The following SERPINA1 variants were observed in gnomAD, a reference collection of about 807,000 sequenced individuals.
The protein encoded by SERPINA1 is alpha-1-antitrypsin.
Under a neutral mutation model 25.4 loss-of-function variants are expected in SERPINA1, and 21 were observed. That is an observed-to-expected ratio of 0.83 (90% confidence interval 0.59 to 1.19). SERPINA1 has a LOEUF of 1.19. Ranked by LOEUF, SERPINA1 falls within the 50% of genes most tolerant of loss-of-function variation. The pLI is 0.00. For synonymous variants in SERPINA1, 218 were observed against 211.1 expected (o/e 1.03, Z -0.29); for missense variants, 546 against 509.0 (o/e 1.07, Z -0.70).
chr14:94,386,658 A>G (rs1897308867), intron 1 of SERPINA1, among the ~76,000 whole-genome samples: 1 of 152,046 alleles, frequency 6.6e-6, no homozygotes. Flanking sequence ...TGCCCGAGAG[A>G]TGGTAGATTT....
At chr14:94,380,659 C>A in intron 3 of SERPINA1, 1 of 637,798 alleles carries the variant, frequency 1.6e-6, no homozygotes, top group Non-Finnish European at 2.8e-6. Context: ...ACCTCCTCAC[C>A]CCTGGGTACT....
chr14:94,382,915 A>C lies in SERPINA1; in HGVS notation c.323T>G (p.Leu108Arg), dbSNP rs137888162. The change falls in exon 2 of 5, where the codon CTC becomes CGC. Residue 108 changes from leucine to arginine, a missense_variant. By Grantham distance (102) the Leu-to-Arg change is moderately radical. Coordinates refer to ENST00000393087, the MANE Select transcript of SERPINA1 (RefSeq NM_000295.5). ...GATCTGAGCCTCCGGAATCTCCGTG[A>C]GGTTGAAATTCAGGCCCTCCAGGAT... is the stretch of plus-strand genomic sequence containing the variant. ...DEILEGLNFNLTEIPEAQIHE... is the reference protein window; with the variant it reads ...DEILEGLNFNRTEIPEAQIHE... The C allele has an allele frequency of 5.6e-6, 9 of 1,612,554 alleles. No individual in the cohort carries two copies. The highest frequency in any genetic ancestry group is 6.8e-6 in the Non-Finnish European group (8 of 1,178,772).
Position 94,378,247 on chromosome 14 carries a change from C to T in SERPINA1, c.*202G>A, listed in dbSNP as rs996449553. ...CAGCATGTGCCTACCCAGCCAGATG[C>T]TCCATGAACACAGTTCAGGGGGCCC... On this transcript the variant is annotated 3_prime_UTR_variant, in exon 5 of 5. Transcript: ENST00000393087. The T allele has an allele frequency of 1.6e-6, 1 of 609,096 alleles. No individual in the cohort carries two copies. Among genetic ancestry groups the T allele is most frequent in the African/African-American group, 1.9e-5 (1 of 54,052 alleles). 37.7% of individuals were successfully genotyped at this position (609,096 alleles called of 1,614,324 possible). A position where few individuals can be genotyped will look rare whatever the true frequency, so the allele number is the denominator to read the frequency against.
rs750877442 is a variant in SERPINA1, at chr14:94,386,036, C to T, written c.-5+2524G>A. 3.7e-4 allele frequency among the ~76,000 whole-genome samples: 56 copies of T among 152,188 alleles called. 1 individual carries two copies. The highest frequency in any genetic ancestry group is 6.0e-4 in the African/African-American group (25 of 41,452). ...ATTGGGCTGTGACATTGGTCTCAAGCATCATGTTGGGTTCATTATGCCTCC... is the reference window on the plus strand; with the variant it reads ...ATTGGGCTGTGACATTGGTCTCAAGTATCATGTTGGGTTCATTATGCCTCC... On this transcript the variant is annotated intron_variant, in intron 1 of 4. Coordinates refer to ENST00000393087, the MANE Select transcript of SERPINA1 (RefSeq NM_000295.5).
Position 94,378,376 on chromosome 14 carries a change from G to T in SERPINA1, c.*73C>A. On this transcript the variant is annotated 3_prime_UTR_variant, in exon 5 of 5. Transcript: ENST00000393087. ...TACAGTCACATGCAGGCAGGGACCA[G>T]CTCAACCCTTCTTTAATGTCATCCA... 7 of 1,322,066 alleles carry T rather than the reference G, an allele frequency of 5.3e-6. No individual in the cohort carries two copies. In the Admixed American group the frequency reaches 1.0e-4, roughly 19 times the overall value. 81.9% of individuals were successfully genotyped at this position (1,322,066 alleles called of 1,614,324 possible). A position where few individuals can be genotyped will look rare whatever the true frequency, so the allele number is the denominator to read the frequency against.
At chr14:94,384,920 C>T (rs1897193335) in intron 1 of SERPINA1, among the ~76,000 whole-genome samples, 1 of 152,210 alleles carries the variant, frequency 6.6e-6, no homozygotes, top group Non-Finnish European at 1.5e-5. Context: ...TCTAAGTAAT[C>T]CAAATGGAAC....
At chr14:94,389,401 C>G (rs912425308), upstream of SERPINA1, among the ~76,000 whole-genome samples, 5 of 152,212 alleles carry the variant, frequency 3.3e-5, no homozygotes, top group African/African-American at 1.2e-4. Context: ...TCTGCTTAGT[C>G]TGCCCCCCAG....
Position 94,388,541 on chromosome 14 carries a change from C to A in SERPINA1, c.-5+19G>T, listed in dbSNP as rs1897448291. ...TCAGAAGCCTCTCCAGAACCTCTCG[C>A]AGTGAAAGGCATACTTACGATTCAC... On this transcript the variant is annotated intron_variant, in intron 1 of 4. Coordinates refer to ENST00000393087, the MANE Select transcript of SERPINA1 (RefSeq NM_000295.5). The A allele has an allele frequency of 6.6e-6, 1 of 152,292 alleles. No individual in the cohort carries two copies. The highest frequency in any genetic ancestry group is 1.5e-5 in the Non-Finnish European group (1 of 68,154). 9.4% of individuals were successfully genotyped at this position (152,292 alleles called of 1,614,324 possible).
At chr14:94,390,039 C>G, upstream of SERPINA1, 1 of 85,864 alleles carries the variant, frequency 1.2e-5, no homozygotes, top group African/African-American at 8.2e-5. Context: ...CTCCCTCCCC[C>G]GTGTCAGGGG....
In SERPINA1 at chr14:94,379,605, G is replaced by A. The variant is rs138611390; in HGVS notation, c.924C>T (p.Ala308=). Residue 308 remains alanine (A), a synonymous_variant, in exon 4 of 5, where the codon GCC becomes GCT. Transcript: ENST00000393087. ...TGGACAGTTTGGGTAAATGTAAGCT[G>A]GCAGACCTGTCGTGCAGAAAAGAAA... ...KFLENEDRRS[A]SLHLPKLSIT... 101 of 1,614,174 alleles carry A rather than the reference G, an allele frequency of 6.3e-5. No individual in the cohort carries two copies. The African/African-American group carries it at 1.3e-3, about 20-fold the overall frequency.
rs189676443 is a variant in SERPINA1, at chr14:94,386,274, G to A, written c.-5+2286C>T. Among the ~76,000 whole-genome samples, 215 of 152,312 alleles carry A rather than the reference G, an allele frequency of 1.4e-3. 3 individuals carry two copies. Among genetic ancestry groups the A allele is most frequent in the Non-Finnish European group, 4.9e-4 (33 of 68,040 alleles). ...GCTTCATGGTGACATTTCTGGGATC[G>A]GGGCAGGTGGGAGCACTCTTTGCGG... On this transcript the variant is annotated intron_variant, in intron 1 of 4. Coordinates refer to ENST00000393087, the MANE Select transcript of SERPINA1 (RefSeq NM_000295.5).
rs1307147202 is a variant in SERPINA1, at chr14:94,380,859, T to C, written c.917+12A>G. 6.2e-7 allele frequency: 1 copy of C among 1,614,190 alleles called. No individual in the cohort carries two copies. The highest frequency in any genetic ancestry group is 1.1e-5 in the South Asian group (1 of 91,086). On this transcript the variant is annotated intron_variant, in intron 3 of 4. Transcript: ENST00000393087. ...GGGCAGCTTCTTGGTCACCCTCAGG[T>C]TGGGGAATCACCTTCTGTCTTCATT...
chr14:94,385,226 T>A (rs551180317), intron 1 of SERPINA1, among the ~76,000 whole-genome samples: 2 of 152,364 alleles, frequency 1.3e-5, no homozygotes, highest in South Asian at 4.1e-4. Context: ...ACTATCCACT[T>A]GGCCTTTAGC....
At chr14:94,382,476 T>C in intron 2 of SERPINA1, 116 bp downstream of exon 2, 1 of 1,222,254 alleles carries the variant, frequency 8.2e-7, no homozygotes, top group Non-Finnish European at 1.2e-6. Context: ...GAATCCACGC[T>C]GAAAAGCATT....
At chr14:94,387,696 A>G (rs916408183) in intron 1 of SERPINA1, among the ~76,000 whole-genome samples, 2 of 152,170 alleles carry the variant, frequency 1.3e-5, no homozygotes, top group African/African-American at 2.4e-5. Flanking sequence ...GCCAGGTTCA[A>G]GAGTTTGGGG....
Position 94,382,987 on chromosome 14 carries a change from G to T in SERPINA1, c.251C>A (p.Ala84Asp). The T allele has an allele frequency of 3.1e-6, 5 of 1,609,054 alleles. No homozygotes were observed. Among genetic ancestry groups the T allele is most frequent in the Non-Finnish European group, 4.3e-6 (5 of 1,176,062 alleles). The part of the protein sequence containing the change: ...IFFSPVSIAT[A>D]FAMLSLGTKA... The stretch of plus-strand genomic sequence containing the variant: ...GGTCCCCAGGGAGAGCATTGCAAAG[G>T]CTGTAGCGATGCTCACTGGGGAGAA... The change falls in exon 2 of 5, where the codon GCC becomes GAC. Residue 84 changes from alanine (A) to aspartate (D), a missense_variant. Transcript: ENST00000393087.
chr14:94,380,805 G>A, intron 3 of SERPINA1, 66 bp downstream of exon 3: 2 of 1,602,512 alleles, frequency 1.2e-6, no homozygotes, highest in South Asian at 1.1e-5. Flanking sequence ...GTCCTGATGG[G>A]CCTCAGTCCC....
Position 94,378,546 on chromosome 14 carries a change from T to C in SERPINA1, c.1160A>G (p.Glu387Gly). Reference protein sequence around the residue: ...LEAIPMSIPPEVKFNKPFVFL... With the variant: ...LEAIPMSIPPGVKFNKPFVFL... ...GACAAAGGGTTTGTTGAACTTGACC[T>C]CGGGGGGGATAGACATGGGTATGGC... Residue 387 changes from glutamate to glycine, a missense_variant, in exon 5 of 5, where the codon GAG (glutamate) becomes GGG (glycine). Glu to Gly is a moderately conservative substitution (Grantham distance 98). Transcript: ENST00000393087. 6.2e-7 allele frequency: 1 copy of C among 1,613,976 alleles called. No individual in the cohort carries two copies. Among genetic ancestry groups the C allele is most frequent in the Non-Finnish European group, 8.5e-7 (1 of 1,179,974 alleles).
chr14:94,390,163 A>ACTGAGCTCAGACTCCCCTCCCCTTCTCT (rs1897599955), upstream of SERPINA1, among the ~76,000 whole-genome samples: 1 of 152,022 alleles, frequency 6.6e-6, no homozygotes, highest in Admixed American at 6.6e-5. Context: ...GCAGCGGGAA[A>ACTGAGCTCAGACTCCCCTCCCCTTCTCT]CTGAGCTCAG....
Sources: allele counts gnomAD v4.1 joint callset (sites outside exome capture counted in the v4.1 genomes callset), GRCh38; gene constraint gnomAD v4.1.1; transcripts MANE v1.5; gene names NCBI Gene and HGNC (gene_info 2026-07-23, HGNC 2026-07-21).